Variants in IFT56 observed in about 807,000 individuals in gnomAD.
The protein encoded by IFT56 is intraflagellar transport protein 56.
chr7:139,141,085 C>G, the IFT56 span, among the ~76,000 whole-genome samples: 1 of 151,316 alleles, frequency 6.6e-6, no homozygotes, highest in East Asian at 2.0e-4. Flanking sequence ...ATGGTGAAAC[C>G]CCGTCTCTAC....
At chr7:139,191,139 CT>C in the IFT56 span, 1 of 152,178 alleles carries the variant, frequency 6.6e-6, no homozygotes, top group Non-Finnish European at 1.5e-5. Flanking sequence ...GTTTTTCTGT[CT>C]TTTATCTTTA....
At chr7:139,141,437 T>G in the IFT56 span, among the ~76,000 whole-genome samples, 1 of 152,130 alleles carries the variant, frequency 6.6e-6, no homozygotes, top group Non-Finnish European at 1.5e-5. Flanking sequence ...AGCAAAGCCT[T>G]TCTTGATTTG....
the IFT56 span, chr7:139,178,330 T>G: frequency 6.4e-7 from 1 of 1,574,070 alleles, no homozygotes; most frequent in African/African-American, 1.4e-5. Context: ...TATAAGACTT[T>G]ATATACAAAA....
chr7:139,135,678 T>A, the IFT56 span, among the ~76,000 whole-genome samples: 858 of 152,286 alleles, frequency 5.6e-3, 5 homozygotes, highest in Middle Eastern at 0.017. Flanking sequence ...GTGCTTCTGA[T>A]GGAGATGGTC....
chr7:139,177,611 A>G, the IFT56 span, among the ~76,000 whole-genome samples: 1 of 148,476 alleles, frequency 6.7e-6, no homozygotes, highest in Non-Finnish European at 1.5e-5. Context: ...ATATATATAT[A>G]GTGTGTGTGT....
chr7:139,139,151 G>T, the IFT56 span, among the ~76,000 whole-genome samples: 1 of 152,206 alleles, frequency 6.6e-6, no homozygotes, highest in African/African-American at 2.4e-5. Flanking sequence ...TGTAATCTAA[G>T]CAAATTTGAA....
At chr7:139,175,909 A>G in the IFT56 span, among the ~76,000 whole-genome samples, 1 of 152,114 alleles carries the variant, frequency 6.6e-6, no homozygotes, top group South Asian at 2.1e-4. Context: ...GGCTCACTGC[A>G]ACCTCCGCCT....
chr7:139,169,226 A>G, the IFT56 span: 24 of 1,359,734 alleles, frequency 1.8e-5, no homozygotes, highest in Non-Finnish European at 2.4e-5. Flanking sequence ...TTAGAACCAT[A>G]TAGTATAATA....
At chr7:139,144,498 G>A in the IFT56 span, among the ~76,000 whole-genome samples, 60 of 151,970 alleles carry the variant, frequency 3.9e-4, no homozygotes, top group African/African-American at 1.4e-3. Context: ...GTGCTTGCTC[G>A]AGGTCTTTTC....
the IFT56 span, among the ~76,000 whole-genome samples, chr7:139,159,624 A>T: frequency 6.6e-6 from 1 of 152,210 alleles, no homozygotes; most frequent in Non-Finnish European, 1.5e-5. Flanking sequence ...AATAGATCAA[A>T]TGCAGATACA....
the IFT56 span, among the ~76,000 whole-genome samples, chr7:139,135,069 A>G: frequency 6.6e-6 from 1 of 152,176 alleles, no homozygotes; most frequent in African/African-American, 2.4e-5. Context: ...TCACAAGGTC[A>G]AGAGATCGAG....
chr7:139,137,854 G>A, the IFT56 span: 24 of 1,612,502 alleles, frequency 1.5e-5, no homozygotes, highest in Non-Finnish European at 1.9e-5. Context: ...AAGTTCAAAC[G>A]TCATGTTGGG....
chr7:139,174,481 G>A, the IFT56 span, among the ~76,000 whole-genome samples: 907 of 152,106 alleles, frequency 6.0e-3, 6 homozygotes, highest in African/African-American at 0.021. Flanking sequence ...GAGTAATACC[G>A]CACAAACACA....
At chr7:139,158,145 C>A in the IFT56 span, among the ~76,000 whole-genome samples, 1 of 151,950 alleles carries the variant, frequency 6.6e-6, no homozygotes, top group Non-Finnish European at 1.5e-5. Context: ...GAAATCCCAT[C>A]TCTACTAAAA....
chr7:139,133,916 T>G, the IFT56 span: 14 of 1,609,108 alleles, frequency 8.7e-6, no homozygotes, highest in Non-Finnish European at 1.2e-5. Context: ...GGCTGGCGAT[T>G]AGAGGTTCCC....
chr7:139,178,199 T>C, the IFT56 span: 28 of 1,601,750 alleles, frequency 1.7e-5, no homozygotes, highest in Middle Eastern at 6.6e-4. Flanking sequence ...GGGGTTTTTT[T>C]CCCCTCCGTT....
chr7:139,165,362 G>T, the IFT56 span: 1 of 645,682 alleles, frequency 1.5e-6, no homozygotes, highest in Non-Finnish European at 2.6e-6. Flanking sequence ...CAAGTTCATA[G>T]AACAAGTTTA....
chr7:139,138,728 G>T, the IFT56 span, among the ~76,000 whole-genome samples: 1 of 151,594 alleles, frequency 6.6e-6, no homozygotes, highest in Non-Finnish European at 1.5e-5. Context: ...TTTACAAGTA[G>T]AATTGTTTTG....
At chr7:139,189,212 C>CA in the IFT56 span, 2 of 728,704 alleles carry the variant, frequency 2.7e-6, no homozygotes, top group Non-Finnish European at 4.5e-6. Flanking sequence ...AGTCTATTAC[C>CA]AAAAATGCCC....
Sources: allele counts gnomAD v4.1 joint callset (sites outside exome capture counted in the v4.1 genomes callset), GRCh38; gene constraint gnomAD v4.1.1; transcripts MANE v1.5; gene names NCBI Gene and HGNC (gene_info 2026-07-23, HGNC 2026-07-21).